PCDHGA1: variants seen among roughly 807,000 people sequenced by gnomAD.
PCDHGA1 encodes the protein protocadherin gamma-A1.
A neutral mutation model predicts 58.0 loss-of-function variants in PCDHGA1; 32 were observed. The ratio of observed to expected loss-of-function variants is 0.55; its 90% CI spans 0.42 to 0.74. The LOEUF (loss-of-function observed/expected upper bound fraction) is 0.74. PCDHGA1 is among the 30% of genes least tolerant of loss of function. PCDHGA1 has a pLI of 0.00. For synonymous variants in PCDHGA1, 498 were observed against 501.1 expected (o/e 0.99, Z 0.08); for missense variants, 1,205 against 1,182.3 (o/e 1.02, Z -0.28).
chr5:141,447,123 TTTTG>T (rs1327676720), intron 1 of PCDHGA1, among the ~76,000 whole-genome samples: 7 of 152,278 alleles, frequency 4.6e-5, no homozygotes, highest in African/African-American at 1.4e-4. Context: ...CCATGGATTT[TTTTG>T]TTTGTTTGTT....
At chr5:141,411,732 A>C (rs1437829295) in intron 1 of PCDHGA1, 4 of 152,694 alleles carry the variant, frequency 2.6e-5, no homozygotes, top group African/African-American at 9.7e-5. Flanking sequence ...ACATTTAAAA[A>C]TTAGCAGGGT....
At position 141,414,416 on chromosome 5, in the gene PCDHGA1, T is replaced by C. The variant is rs550804810; in HGVS notation, c.2422-80391T>C. The C allele has an allele frequency of 2.2e-5, 35 of 1,613,902 alleles. No homozygotes were observed. In the South Asian group the frequency reaches 3.5e-4, roughly 16 times the overall value. On this transcript the variant is annotated intron_variant, in intron 1 of 3. Coordinates refer to ENST00000517417, the MANE Select transcript of PCDHGA1 (RefSeq NM_018912.3). ...TACAGATTGGTGATACACAGAGCCCTTGACAGGGAACAGGTATCCTCTTAC... is the reference window on the plus strand; with the variant it reads ...TACAGATTGGTGATACACAGAGCCCCTGACAGGGAACAGGTATCCTCTTAC...
At chr5:141,459,245 C>G (rs1040972875) in intron 1 of PCDHGA1, among the ~76,000 whole-genome samples, 1 of 152,180 alleles carries the variant, frequency 6.6e-6, no homozygotes, top group African/African-American at 2.4e-5. Context: ...TGCTTCCTGT[C>G]ACTATAAATT....
At position 141,491,462 on chromosome 5, in the gene PCDHGA1, T is replaced by C; in HGVS notation, c.2422-3345T>C. 1.2e-6 allele frequency: 2 copies of C among 1,614,004 alleles called. No individual in the cohort carries two copies. The highest frequency in any genetic ancestry group is 1.7e-6 in the Non-Finnish European group (2 of 1,179,978). ...CGCCAGGACTCACCCTCCCCGGACT[T>C]CTATAAGCAGTCCAGCCCCAACCTG... On this transcript the variant is annotated intron_variant, in intron 1 of 3. Coordinates refer to ENST00000517417, the MANE Select transcript of PCDHGA1 (RefSeq NM_018912.3). This position sits in a 1 kb window ranked among gnomAD's most constrained non-coding sequence, Gnocchi z 6.9.
rs201391904 is a variant in PCDHGA1, at chr5:141,494,843, G to A, written c.2458G>A (p.Ala820Thr). Residue 820 changes from alanine to threonine, a missense_variant, in exon 2 of 4, where the codon GCC becomes ACC. Transcript: ENST00000517417. ...PPNTDWRFSQ[A>T]QRPGTSGSQN... is the part of the protein sequence containing the mutation. ...CAACACGGACTGGCGTTTCTCTCAG[G>A]CCCAGAGACCCGGCACCAGCGGGTA... 1.9e-6 allele frequency: 3 copies of A among 1,614,088 alleles called. No homozygotes were observed. Among genetic ancestry groups the A allele is most frequent in the Admixed American group, 3.3e-5 (2 of 60,008 alleles).
At position 141,423,563 on chromosome 5, in the gene PCDHGA1, C is replaced by T. The variant is rs745802952; in HGVS notation, c.2422-71244C>T. 9.9e-6 allele frequency: 16 copies of T among 1,613,436 alleles called. No homozygotes were observed. In the Admixed American group the frequency reaches 2.3e-4, roughly 24 times the overall value. ...TTCCCCCAGCCCAACTATGGGGACA[C>T]GCTCATCAGCCAGGAGAGCTGTGAG... On this transcript the variant is annotated intron_variant, in intron 1 of 3. Coordinates refer to ENST00000517417, the MANE Select transcript of PCDHGA1 (RefSeq NM_018912.3).
intron 1 of PCDHGA1, chr5:141,400,151 C>T: frequency 6.2e-7 from 1 of 1,614,086 alleles, no homozygotes; most frequent in Non-Finnish European, 8.5e-7. Context: ...ACTGACCGCC[C>T]TGTACCCTCT....
chr5:141,389,320 TG>T (rs764190187), intron 1 of PCDHGA1: 2 of 1,613,848 alleles, frequency 1.2e-6, no homozygotes, highest in Non-Finnish European at 1.7e-6. Flanking sequence ...GATCCGGACT[TG>T]GGGCCCAACG....
chr5:141,394,132 T>C, intron 1 of PCDHGA1: 1 of 1,613,980 alleles, frequency 6.2e-7, no homozygotes, highest in Non-Finnish European at 8.5e-7. Flanking sequence ...CAAATCGCTC[T>C]GCACGTGGCA....
chr5:141,420,401 A>G, intron 1 of PCDHGA1: 1 of 1,249,172 alleles, frequency 8.0e-7, no homozygotes. Flanking sequence ...GGTCAAATTT[A>G]TGGTTATCAT....
chr5:141,352,107 G>T (rs754148272), intron 1 of PCDHGA1: 1 of 1,607,214 alleles, frequency 6.2e-7, no homozygotes, highest in Non-Finnish European at 8.5e-7. Context: ...TTCAGCCTGG[G>T]GTTGCGCACG....
rs756525217 is a variant in PCDHGA1, at chr5:141,402,958, A to T, written c.2421+69853A>T. On this transcript the variant is annotated intron_variant, in intron 1 of 3. Coordinates refer to ENST00000517417, the MANE Select transcript of PCDHGA1 (RefSeq NM_018912.3). Reference sequence around the variant, plus strand: ...AATTCCAAAGCGAGGCAGCAATGGCAGCTCCAACCAAATGCCAGCTCCGCG... The same window carrying T: ...AATTCCAAAGCGAGGCAGCAATGGCTGCTCCAACCAAATGCCAGCTCCGCG... 48 of 1,602,110 alleles carry T rather than the reference A, an allele frequency of 3.0e-5. 1 individual carries two copies. The highest frequency in any genetic ancestry group is 8.5e-7 in the Non-Finnish European group (1 of 1,173,862).
intron 2 of PCDHGA1, among the ~76,000 whole-genome samples, chr5:141,502,865 T>C (rs538731947): frequency 3.0e-5 from 4 of 131,428 alleles, no homozygotes; most frequent in Non-Finnish European, 6.3e-5. Context: ...TGACTCTCTG[T>C]CTTTTTTTTT....
At chr5:141,371,745 G>T (rs767038146) in intron 1 of PCDHGA1, 2 of 1,614,002 alleles carry the variant, frequency 1.2e-6, no homozygotes, top group South Asian at 2.2e-5. Flanking sequence ...CAACGTTCCC[G>T]TTTTCCACCA....
intron 1 of PCDHGA1, chr5:141,492,033 C>A: frequency 1.8e-6 from 1 of 548,342 alleles, no homozygotes; most frequent in Non-Finnish European, 3.1e-6. Flanking sequence ...CGGGAGGAGG[C>A]AGTCACAGAT....
rs1554087243 is a variant in PCDHGA1, at chr5:141,382,895, C to T, written c.2421+49790C>T. The T allele has an allele frequency of 2.6e-6, 4 of 1,536,202 alleles. No homozygotes were observed. The East Asian group carries it at 6.8e-5, about 26-fold the overall frequency. ...CGGCGCCTAAGCAAGAGAAGCAGGA[C>T]GACTATGGCGGCTCAGCCGAGGGGC... On this transcript the variant is annotated intron_variant, in intron 1 of 3. Transcript: ENST00000517417.
chr5:141,471,124 A>C (rs2099250596), intron 1 of PCDHGA1, among the ~76,000 whole-genome samples: 1 of 141,916 alleles, frequency 7.0e-6, no homozygotes, highest in East Asian at 2.1e-4. Flanking sequence ...TCTTACCTTC[A>C]CTGCAACCTC....
intron 1 of PCDHGA1, chr5:141,408,754 T>G: frequency 6.2e-7 from 1 of 1,610,602 alleles, no homozygotes; most frequent in Non-Finnish European, 8.5e-7. Flanking sequence ...TGGTTAGAGT[T>G]AATTCCGATG....
At chr5:141,426,834 A>G (rs1561824131) in intron 1 of PCDHGA1, 1 of 456,724 alleles carries the variant, frequency 2.2e-6, no homozygotes, top group South Asian at 1.5e-5. Flanking sequence ...GATGGACAAG[A>G]CTAAAGGCAA....
Sources: allele counts gnomAD v4.1 joint callset (sites outside exome capture counted in the v4.1 genomes callset), GRCh38; gene constraint gnomAD v4.1.1; non-coding constraint Gnocchi (gnomAD v3.1); transcripts MANE v1.5; gene names NCBI Gene and HGNC (gene_info 2026-07-23, HGNC 2026-07-21).